The following ITGAM variants were observed in gnomAD, a reference collection of about 807,000 sequenced individuals.
The protein encoded by ITGAM is integrin alpha-M.
A neutral mutation model predicts 137.5 loss-of-function variants in ITGAM; 79 were observed. The ratio of observed to expected loss-of-function variants is 0.57; its 90% CI spans 0.48 to 0.69. The LOEUF is 0.69. Among genes scored for constraint, ITGAM ranks in the 30% least tolerant of loss-of-function variants. The pLI is 0.00. For synonymous variants in ITGAM, 583 were observed against 592.3 expected (o/e 0.98, Z 0.23); for missense variants, 1,343 against 1,483.5 (o/e 0.91, Z 1.56).
At chr16:31,273,630 TA>T (rs941632804) in intron 8 of ITGAM, 112 bp downstream of exon 8, 1 of 1,019,292 alleles carries the variant, frequency 9.8e-7, no homozygotes, top group African/African-American at 1.6e-5. Flanking sequence ...GAGCTAATGC[TA>T]GCTCATATAC....
chr16:31,328,601 G>T (rs1316553791), intron 23 of ITGAM, among the ~76,000 whole-genome samples: 1 of 149,136 alleles, frequency 6.7e-6, no homozygotes, highest in Non-Finnish European at 1.5e-5. Flanking sequence ...GTGTGTGTGA[G>T]GATCTATGTG....
At chr16:31,322,049 G>C (rs950539686) in intron 16 of ITGAM, among the ~76,000 whole-genome samples, 1 of 152,112 alleles carries the variant, frequency 6.6e-6, no homozygotes, top group Non-Finnish European at 1.5e-5. Context: ...TGTTTGGGGT[G>C]GGAGAATAGT....
chr16:31,320,233 A>AC (rs1265289197), intron 14 of ITGAM, among the ~76,000 whole-genome samples: 3 of 152,210 alleles, frequency 2.0e-5, no homozygotes, highest in Non-Finnish European at 4.4e-5. Flanking sequence ...AATCACATGC[A>AC]CTCTATACTT....
intron 16 of ITGAM, among the ~76,000 whole-genome samples, chr16:31,323,821 T>A (rs535922244): frequency 2.0e-5 from 3 of 152,200 alleles, no homozygotes; most frequent in African/African-American, 7.2e-5. Context: ...GAGACCAGCC[T>A]GGCTAACATG....
intron 12 of ITGAM, among the ~76,000 whole-genome samples, chr16:31,292,039 A>G (rs1411723092): frequency 1.3e-5 from 2 of 152,100 alleles, no homozygotes; most frequent in Admixed American, 1.3e-4. Flanking sequence ...GTATAAAAAT[A>G]TCACATGTTC....
At chr16:31,265,353 C>T (rs759669382) in intron 2 of ITGAM, 42 bp from the exon 3 acceptor site, 2 of 1,192,018 alleles carry the variant, frequency 1.7e-6, no homozygotes, top group South Asian at 2.9e-5. Flanking sequence ...TCCTTCTCTC[C>T]CCACATGTCG....
chr16:31,293,538 A>G (rs1475293828), intron 12 of ITGAM, among the ~76,000 whole-genome samples: 1 of 151,994 alleles, frequency 6.6e-6, no homozygotes, highest in African/African-American at 2.4e-5. Flanking sequence ...CTTAGATCAG[A>G]TGGTCATAGG....
chr16:31,330,506 C>G lies in ITGAM; in HGVS notation c.3177C>G (p.Thr1059=), dbSNP rs80070764. The change falls in exon 28 of 30, where the codon ACC becomes ACG. Residue 1059 remains threonine, a splice_region_variant and synonymous_variant. Coordinates refer to ENST00000544665, the MANE Select transcript of ITGAM (RefSeq NM_000632.4). ...TGCCCACCCGCTCTCTTCCACAGAC[C>G]TCGCATAACCACCTCCTGATCGTGA... ...GNLSFDWYIK[T]SHNHLLIVST... is the part of the protein sequence containing the mutation. The G allele has an allele frequency of 6.2e-7, 1 of 1,613,684 alleles. No individual in the cohort carries two copies. Among genetic ancestry groups the G allele is most frequent in the East Asian group, 2.2e-5 (1 of 44,868 alleles).
At chr16:31,273,612 T>G in intron 8 of ITGAM, 94 bp downstream of exon 8, 1 of 1,275,166 alleles carries the variant, frequency 7.8e-7, no homozygotes, top group Non-Finnish European at 1.1e-6. Context: ...AAAATCAAAG[T>G]GACATGAGAG....
intron 16 of ITGAM, 83 bp downstream of exon 16, chr16:31,321,710 G>A: frequency 7.0e-7 from 1 of 1,430,580 alleles, no homozygotes; most frequent in African/African-American, 1.4e-5. Context: ...CCAGCCTTCT[G>A]GCTGTCCTGA....
At chr16:31,331,530 C>T (rs2080583125) in intron 29 of ITGAM, 106 bp from the exon 30 acceptor site, 5 of 661,474 alleles carry the variant, frequency 7.6e-6, no homozygotes, top group South Asian at 1.8e-5. Context: ...CCCCGCCCTC[C>T]TGGGTCCCTT....
chr16:31,331,947 A>T lies in ITGAM; in HGVS notation c.*240A>T. 1.8e-6 allele frequency: 1 copy of T among 553,070 alleles called. No individual in the cohort carries two copies. The highest frequency in any genetic ancestry group is 3.2e-6 in the Non-Finnish European group (1 of 312,676). 34.3% of individuals were successfully genotyped at this position (553,070 alleles called of 1,614,324 possible). A position where few individuals can be genotyped will look rare whatever the true frequency, so the allele number is the denominator to read the frequency against. ...TGCACGCCCATGTGTGAGTGTGTGC[A>T]AGTATGTGAGTGTGTCCAAGTGTGT... is the stretch of plus-strand genomic sequence containing the variant. On this transcript the variant is annotated 3_prime_UTR_variant, in exon 30 of 30. Transcript: ENST00000544665.
chr16:31,266,083 G>A lies in ITGAM; in HGVS notation c.363G>A (p.Gly121=). Residue 121 remains glycine, a synonymous_variant, in exon 5 of 30, where the codon GGG becomes GGA. Coordinates refer to ENST00000544665, the MANE Select transcript of ITGAM (RefSeq NM_000632.4). ...QTCSENTYVK[G]LCFLFGSNLR... Reference sequence around the variant, plus strand: ...GCAGTGAGAACACGTATGTGAAAGGGCTCTGCTTCCTGTTTGGATCCAACC... The same window carrying A: ...GCAGTGAGAACACGTATGTGAAAGGACTCTGCTTCCTGTTTGGATCCAACC... The A allele has an allele frequency of 6.2e-7, 1 of 1,613,914 alleles. No individual in the cohort carries two copies. The highest frequency in any genetic ancestry group is 8.5e-7 in the Non-Finnish European group (1 of 1,179,884).
intron 5 of ITGAM, among the ~76,000 whole-genome samples, chr16:31,270,742 T>TATAAATATATA (rs1343169219): frequency 9.1e-6 from 1 of 109,894 alleles, no homozygotes; most frequent in African/African-American, 4.0e-5. Context: ...TATATATATA[T>TATAAATATATA]ATGTTTTTAA....
chr16:31,321,184 A>G (rs1213559825), intron 14 of ITGAM, 57 bp from the exon 15 acceptor site: 1 of 1,597,514 alleles, frequency 6.3e-7, no homozygotes, highest in Non-Finnish European at 8.6e-7. Context: ...TGACTGAGTT[A>G]TACATCTCCT....
Position 31,330,421 on chromosome 16 carries a change from GGT to G in ITGAM, c.3174+6_3174+7del. The stretch of plus-strand genomic sequence containing the variant: ...ACCTCTCGTTTGACTGGTACATCAA[GGT>G]GTGTGGGGTCCTGAGGCTTCGCCGG... On this transcript the variant is annotated splice_donor_variant, in intron 27 of 29. Transcript: ENST00000544665. LOFTEE classifies it high-confidence loss of function. 6.2e-7 allele frequency: 1 copy of G among 1,612,796 alleles called. No homozygotes were observed. The highest frequency in any genetic ancestry group is 1.1e-5 in the South Asian group (1 of 91,050).
chr16:31,315,004 C>T (rs746103995), intron 14 of ITGAM, among the ~76,000 whole-genome samples: 1 of 151,586 alleles, frequency 6.6e-6, no homozygotes, highest in Non-Finnish European at 1.5e-5. Context: ...GTAGAGATGG[C>T]ATTTCACCAT....
rs779758522 is a variant in ITGAM, at chr16:31,277,024, T to A, written c.1188T>A (p.Asp396Glu). 6.2e-7 allele frequency: 1 copy of A among 1,612,748 alleles called. No individual in the cohort carries two copies. The highest frequency in any genetic ancestry group is 1.1e-5 in the South Asian group (1 of 90,800). Residue 396 changes from aspartate (D) to glutamate (E), a missense_variant, in exon 11 of 30, where the codon GAT becomes GAA. Asp to Glu is a conservative substitution (Grantham distance 45). Transcript: ENST00000544665. ...KSTFINMTRVDSDMNDAYLGY... is the reference protein window; with the variant it reads ...KSTFINMTRVESDMNDAYLGY... ...CCTTCATCAACATGACCAGAGTGGA[T>A]TCAGACATGAATGATGCTTACTTGG...
chr16:31,291,733 A>C (rs2144362000), intron 12 of ITGAM, among the ~76,000 whole-genome samples: 1 of 152,162 alleles, frequency 6.6e-6, no homozygotes, highest in East Asian at 1.9e-4. Flanking sequence ...AGGAGCTAAA[A>C]AAAAATGGAT....
Sources: allele counts gnomAD v4.1 joint callset (sites outside exome capture counted in the v4.1 genomes callset), GRCh38; gene constraint gnomAD v4.1.1; transcripts MANE v1.5; gene names NCBI Gene and HGNC (gene_info 2026-07-23, HGNC 2026-07-21).